ABCC9: variants seen among roughly 807,000 people sequenced by gnomAD.
ABCC9 encodes ATP-binding cassette sub-family C member 9.
ABCC9 carries 95 observed loss-of-function variants against 188.3 expected under a neutral mutation model. The observed-to-expected ratio is 0.50, with a 90% CI of 0.43 to 0.60. ABCC9 has a LOEUF of 0.60. ABCC9 is among the 20% of genes least tolerant of loss of function. ABCC9 has a pLI of 0.00. For synonymous variants in ABCC9, 659 were observed against 652.7 expected, an observed-to-expected ratio of 1.01 and a Z score of -0.15; for missense variants, 1,102 against 1,876.3, an observed-to-expected ratio of 0.59 and a Z score of 7.62.
chr12:21,899,246 A>C (rs1486758314), intron 12 of ABCC9, among the ~76,000 whole-genome samples: 41 of 152,232 alleles, frequency 2.7e-4, no homozygotes, highest in East Asian at 1.9e-4. Flanking sequence ...TTTAGGAAAA[A>C]ACCGAATTCA....
chr12:21,930,080 G>A (rs1017286489), intron 4 of ABCC9, among the ~76,000 whole-genome samples: 1 of 149,474 alleles, frequency 6.7e-6, no homozygotes, highest in African/African-American at 2.5e-5. Flanking sequence ...GAGAACATGC[G>A]GTGTTTGGTT....
chr12:21,826,933 A>T (rs1423740769), intron 31 of ABCC9, among the ~76,000 whole-genome samples: 1 of 152,208 alleles, frequency 6.6e-6, no homozygotes, highest in Non-Finnish European at 1.5e-5. Context: ...AAATCTTGGA[A>T]GGATTCTAAT....
chr12:21,894,022 C>G lies in ABCC9; in HGVS notation c.1802+10G>C, dbSNP rs375266389. 1 of 1,613,704 alleles carries G rather than the reference C, an allele frequency of 6.2e-7. No homozygotes were observed. The highest frequency in any genetic ancestry group is 1.3e-5 in the African/African-American group (1 of 74,880). On this transcript the variant is annotated intron_variant, in intron 14 of 39. Coordinates refer to ENST00000261200, the MANE Select transcript of ABCC9 (RefSeq NM_020297.4). ...AATAAGCAAAAAATGCCAGACACTT[C>G]AGTGCATACCTTATGATGGCTTTGA...
intron 35 of ABCC9, 110 bp downstream of exon 35, chr12:21,814,534 A>T: frequency 1.1e-6 from 1 of 900,446 alleles, no homozygotes; most frequent in Non-Finnish European, 1.8e-6. Flanking sequence ...TGTGTAGAGC[A>T]CAAAGTCCTT....
At chr12:21,893,358 A>G (rs1341265958) in intron 14 of ABCC9, among the ~76,000 whole-genome samples, 4 of 152,220 alleles carry the variant, frequency 2.6e-5, no homozygotes, top group Non-Finnish European at 5.9e-5. Flanking sequence ...TTTTTTCCAG[A>G]TTAAACTAAA....
At chr12:21,922,382 T>G (rs893586904) in intron 5 of ABCC9, among the ~76,000 whole-genome samples, 4 of 152,002 alleles carry the variant, frequency 2.6e-5, no homozygotes, top group African/African-American at 9.7e-5. Context: ...TAGGGATAAA[T>G]CCCACTTGAT....
intron 19 of ABCC9, 43 bp downstream of exon 19, chr12:21,864,396 G>T: frequency 3.7e-6 from 5 of 1,343,122 alleles, no homozygotes; most frequent in Non-Finnish European, 5.3e-6. Context: ...GTCTGAGGAA[G>T]GAAGTTATTC....
At chr12:21,853,584 A>G (rs1031868976) in intron 22 of ABCC9, among the ~76,000 whole-genome samples, 30 of 152,122 alleles carry the variant, frequency 2.0e-4, no homozygotes, top group African/African-American at 6.8e-4. Context: ...AAGAACTCAC[A>G]TTAATTGTCT....
intron 4 of ABCC9, among the ~76,000 whole-genome samples, chr12:21,929,806 G>A (rs533943811): frequency 2.0e-5 from 3 of 152,058 alleles, no homozygotes; most frequent in East Asian, 3.9e-4. Context: ...TTGTCAATTG[G>A]TTTTGTACTG....
intron 11 of ABCC9, 139 bp from the exon 12 acceptor site, chr12:21,906,427 A>G: frequency 2.5e-6 from 2 of 814,308 alleles, no homozygotes; most frequent in Non-Finnish European, 3.8e-6. Flanking sequence ...TGAAGTTCCC[A>G]GGAGAAGCAA....
chr12:21,871,624 C>T (rs950781936), intron 18 of ABCC9, among the ~76,000 whole-genome samples: 6 of 152,224 alleles, frequency 3.9e-5, no homozygotes, highest in Non-Finnish European at 7.4e-5. Flanking sequence ...ATAGTAGATA[C>T]AAAATGATAT....
chr12:21,927,605 A>G (rs970586963), intron 4 of ABCC9, among the ~76,000 whole-genome samples: 1 of 152,190 alleles, frequency 6.6e-6, no homozygotes, highest in Non-Finnish European at 1.5e-5. Flanking sequence ...TGGCCGTGTG[A>G]CCAAATAAGA....
intron 2 of ABCC9, among the ~76,000 whole-genome samples, chr12:21,939,942 T>C (rs1270000842): frequency 6.6e-6 from 1 of 152,210 alleles, no homozygotes; most frequent in Non-Finnish European, 1.5e-5. Flanking sequence ...ATCTAGAACA[T>C]ATACATTTTG....
chr12:21,801,109 T>C lies in ABCC9; in HGVS notation c.4585A>G (p.Thr1529Ala), dbSNP rs1247807850. ...TCCTGAGCCAAGAGGCTTTCTGGAG[T>C]GTCATATTCTAAAATATTTCCTCGC... ...MKRGNILEYD[T>A]PESLLAQENG... The change falls in exon 40 of 40, where the codon ACT becomes GCT. Residue 1529 changes from threonine (T) to alanine (A), a missense_variant. Around this residue, in one of 12 missense-constraint regions of ABCC9, gnomAD observed 30 missense variants for 34.3 expected, o/e 0.87. Coordinates refer to ENST00000261200, the MANE Select transcript of ABCC9 (RefSeq NM_020297.4). The C allele has an allele frequency of 6.2e-7, 1 of 1,613,962 alleles. No homozygotes were observed. The highest frequency in any genetic ancestry group is 1.1e-5 in the South Asian group (1 of 91,072).
chr12:21,805,965 A>AGAG (rs1941809441), intron 39 of ABCC9, 33 bp downstream of exon 39: 3 of 1,605,882 alleles, frequency 1.9e-6, no homozygotes, highest in Non-Finnish European at 2.6e-6. Context: ...CAAAAACCAA[A>AGAG]GAGGTATACC....
rs2277405 is a variant in ABCC9, at chr12:21,925,904, T to G, written c.406+38A>C. The G allele has an allele frequency of 0.62, 975,959 of 1,583,664 alleles. 303,770 individuals are homozygous for G. Among genetic ancestry groups the G allele is most frequent in the East Asian group, 0.78 (34,887 of 44,664 alleles). ...AACCCTTTGGGGGGAAAAACAAATA[T>G]CTCTTTAAGGAGAAACAACAAAAGT... On this transcript the variant is annotated intron_variant, in intron 5 of 39. Coordinates refer to ENST00000261200, the MANE Select transcript of ABCC9 (RefSeq NM_020297.4).
intron 5 of ABCC9, among the ~76,000 whole-genome samples, chr12:21,921,742 T>C (rs1158060045): frequency 6.6e-6 from 1 of 152,110 alleles, no homozygotes; most frequent in Non-Finnish European, 1.5e-5. Context: ...TTGATTTTGT[T>C]TTTGTACATG....
At chr12:21,927,363 T>G (rs186835203) in intron 4 of ABCC9, among the ~76,000 whole-genome samples, 1 of 151,880 alleles carries the variant, frequency 6.6e-6, no homozygotes. Context: ...AATACACGAG[T>G]TTGTAGTGGA....
chr12:21,837,802 G>A (rs1216351740), intron 30 of ABCC9, among the ~76,000 whole-genome samples: 1 of 152,088 alleles, frequency 6.6e-6, no homozygotes, highest in Non-Finnish European at 1.5e-5. Context: ...AATAGATGAG[G>A]AAACCAAGGT....
Sources: gnomAD v4.1 joint callset for allele counts (sites outside exome capture counted in the v4.1 genomes callset) on GRCh38, gnomAD v4.1.1 for gene constraint, gnomAD v4.1.1 regional missense constraint, MANE v1.5 for transcripts, NCBI Gene and HGNC (gene_info 2026-07-23, HGNC 2026-07-21) for gene names.